NXNL2: variants seen among roughly 807,000 people sequenced by gnomAD.
NXNL2 encodes the protein nucleoredoxin like 2.
NXNL2 carries 7 observed loss-of-function variants against 11.1 expected under a neutral mutation model. The ratio of observed to expected loss-of-function variants is 0.63; its 90% confidence interval spans 0.36 to 1.18. The LOEUF is 1.18. Ranked by LOEUF, NXNL2 falls within the 50% of genes most tolerant of loss-of-function variation. The probability of loss-of-function intolerance (pLI) is 0.02; values close to 1 mark genes in which losing one functional copy is unlikely to be tolerated. For synonymous variants in NXNL2, 109 were observed against 101.8 expected (o/e 1.07, Z -0.42); for missense variants, 233 against 217.7 (o/e 1.07, Z -0.44).
At chr9:88,561,040 G>A (rs554846613) in intron 1 of NXNL2, among the ~76,000 whole-genome samples, 4 of 152,290 alleles carry the variant, frequency 2.6e-5, no homozygotes, top group South Asian at 4.1e-4. Flanking sequence ...ACTGAGTGTC[G>A]ACTTGATTGG....
chr9:88,583,873 G>A (rs1331997251), intron 1 of NXNL2: 1 of 152,236 alleles, frequency 6.6e-6, no homozygotes, highest in Non-Finnish European at 1.5e-5. Context: ...CTGCAAGCCA[G>A]GAAGAGAACC....
intron 2 of NXNL2, among the ~76,000 whole-genome samples, chr9:88,574,756 G>A (rs1830323959): frequency 6.6e-6 from 1 of 152,126 alleles, no homozygotes; most frequent in Non-Finnish European, 1.5e-5. Context: ...TAGAGGGAAG[G>A]AGCCAGCTTG....
chr9:88,553,252 A>G (rs1829966536), intron 1 of NXNL2, among the ~76,000 whole-genome samples: 2 of 152,296 alleles, frequency 1.3e-5, no homozygotes, highest in South Asian at 4.1e-4. Flanking sequence ...AGGCTGAGGC[A>G]GGAGAATTGA....
At position 88,535,543 on chromosome 9, in the gene NXNL2, C is replaced by G. The variant is rs748136116; in HGVS notation, c.109C>G (p.Arg37Gly). ...GGTGGCACTGTACTTCGCGGCGGCC[C>G]GGTGCGCGCCGAGCCGCGACTTCAC... Reference protein sequence around the residue: ...KVVALYFAAARCAPSRDFTPL... With the variant: ...KVVALYFAAAGCAPSRDFTPL... The change falls in exon 1 of 2, where the codon CGG becomes GGG. Residue 37 changes from arginine to glycine, a missense_variant. Arg to Gly is a moderately radical substitution (Grantham distance 125, BLOSUM62 -2). Coordinates refer to ENST00000375854, the MANE Select transcript of NXNL2 (RefSeq NM_001161625.2). The G allele has an allele frequency of 6.2e-7, 1 of 1,605,002 alleles. No homozygotes were observed. The highest frequency in any genetic ancestry group is 8.5e-7 in the Non-Finnish European group (1 of 1,178,080).
At chr9:88,571,947 A>G (rs1830272824) in intron 2 of NXNL2, among the ~76,000 whole-genome samples, 1 of 152,112 alleles carries the variant, frequency 6.6e-6, no homozygotes, top group African/African-American at 2.4e-5. Flanking sequence ...GTGGCCACAC[A>G]GGGCCCATGT....
chr9:88,550,918 G>C (rs1829921747), intron 1 of NXNL2, among the ~76,000 whole-genome samples: 1 of 152,124 alleles, frequency 6.6e-6, no homozygotes, highest in South Asian at 2.1e-4. Context: ...ATTGTGTGAG[G>C]CTCTCGTCAC....
chr9:88,542,824 G>C (rs1241681066), intron 1 of NXNL2, among the ~76,000 whole-genome samples: 1 of 152,132 alleles, frequency 6.6e-6, no homozygotes, highest in African/African-American at 2.4e-5. Context: ...CTGGATGCCA[G>C]AAAGTGGCAG....
At chr9:88,571,146 A>C (rs777422642) in exon 2 of NXNL2, 1 of 366,854 alleles carries the variant, frequency 2.7e-6, no homozygotes, top group Non-Finnish European at 5.3e-6. Flanking sequence ...GCTCACTGCA[A>C]CCTTTGCCTC....
intron 1 of NXNL2, among the ~76,000 whole-genome samples, chr9:88,570,629 T>G (rs1032882522): frequency 1.3e-5 from 2 of 152,204 alleles, no homozygotes; most frequent in Non-Finnish European, 2.9e-5. Context: ...TGTGAATATA[T>G]GCAGACTTCT....
chr9:88,553,080 TC>T (rs1384545909), intron 1 of NXNL2, among the ~76,000 whole-genome samples: 1 of 152,182 alleles, frequency 6.6e-6, no homozygotes, highest in Non-Finnish European at 1.5e-5. Context: ...AGTCTTGCCT[TC>T]AGTGAATGCC....
exon 2 of NXNL2, chr9:88,571,097 G>A (rs756383056): frequency 7.8e-4 from 308 of 396,176 alleles, no homozygotes; most frequent in Non-Finnish European, 1.3e-3. Flanking sequence ...ACGGAGTCTC[G>A]CTCTGTTGCC....
At chr9:88,549,798 G>A (rs1223570041), downstream of NXNL2, among the ~76,000 whole-genome samples, 3 of 152,164 alleles carry the variant, frequency 2.0e-5, no homozygotes, top group Admixed American at 1.3e-4. Flanking sequence ...CATGCCCAGA[G>A]CAGGAGCAAG....
chr9:88,537,565 G>A (rs967303278), intron 1 of NXNL2, among the ~76,000 whole-genome samples: 1 of 152,220 alleles, frequency 6.6e-6, no homozygotes, highest in African/African-American at 2.4e-5. Flanking sequence ...TTGTTGTCAT[G>A]TGTAAGCTAG....
chr9:88,572,160 G>A (rs1031851988), intron 2 of NXNL2, among the ~76,000 whole-genome samples: 1 of 149,232 alleles, frequency 6.7e-6, no homozygotes. Context: ...CGTTATAATA[G>A]CACTAGAACC....
chr9:88,575,406 G>A (rs553684317), exon 3 of NXNL2: 1 of 152,866 alleles, frequency 6.5e-6, no homozygotes, highest in African/African-American at 2.4e-5. Flanking sequence ...TATACACAAT[G>A]GAGTACTCTT....
chr9:88,579,242 G>A (rs1047691087), downstream of NXNL2, among the ~76,000 whole-genome samples: 5 of 152,206 alleles, frequency 3.3e-5, no homozygotes, highest in African/African-American at 1.2e-4. Flanking sequence ...AGCAGGAGAT[G>A]GAACTCAGCT....
chr9:88,576,559 G>A (rs1453253082), downstream of NXNL2, among the ~76,000 whole-genome samples: 2 of 152,172 alleles, frequency 1.3e-5, no homozygotes, highest in Non-Finnish European at 2.9e-5. Flanking sequence ...AGGTGACAAG[G>A]GAGACATGTC....
intron 1 of NXNL2, among the ~76,000 whole-genome samples, chr9:88,565,882 T>A (rs1170474213): frequency 6.6e-6 from 1 of 152,194 alleles, no homozygotes; most frequent in Non-Finnish European, 1.5e-5. Flanking sequence ...TTCTAACAAG[T>A]GTGAGGTGAT....
chr9:88,578,817 T>G (rs1830378024), downstream of NXNL2, among the ~76,000 whole-genome samples: 1 of 152,226 alleles, frequency 6.6e-6, no homozygotes, highest in South Asian at 2.1e-4. Flanking sequence ...CAACCTGGAC[T>G]CCATACAGGG....
Sources: allele counts gnomAD v4.1 joint callset (sites outside exome capture counted in the v4.1 genomes callset), GRCh38; gene constraint gnomAD v4.1.1; transcripts MANE v1.5; gene names NCBI Gene and HGNC (gene_info 2026-07-23, HGNC 2026-07-21).